WDFY3: variants seen among roughly 807,000 people sequenced by gnomAD.
The protein encoded by WDFY3 is WD repeat and FYVE domain-containing protein 3.
WDFY3 carries 66 observed loss-of-function variants against 409.6 expected under a neutral mutation model. The observed-to-expected ratio is 0.16, with a 90% CI of 0.13 to 0.20. The LOEUF is 0.20. Ranked by LOEUF, WDFY3 falls within the 10% of genes least tolerant of loss-of-function variation. The pLI, the probability that WDFY3 is intolerant of heterozygous loss-of-function variation, is 1.00. For synonymous variants in WDFY3, 1,521 were observed against 1,537.1 expected, an observed-to-expected ratio of 0.99 and a Z score of 0.25; for missense variants, 3,031 against 4,298.1, an observed-to-expected ratio of 0.71 and a Z score of 8.24.
intron 13 of WDFY3, among the ~76,000 whole-genome samples, chr4:84,817,088 T>G (rs1753410405): frequency 6.6e-6 from 1 of 152,152 alleles, no homozygotes; most frequent in Admixed American, 6.6e-5. Context: ...ATGAGTGAAT[T>G]TAACTGATCA....
chr4:84,738,981 T>G (rs955195347), intron 40 of WDFY3, 29 bp downstream of exon 40: 6 of 1,610,238 alleles, frequency 3.7e-6, no homozygotes, highest in Non-Finnish European at 5.1e-6. Flanking sequence ...CAACCACAAT[T>G]TAAAAACATC....
At chr4:84,804,357 C>T (rs1751161631) in intron 15 of WDFY3, among the ~76,000 whole-genome samples, 1 of 152,180 alleles carries the variant, frequency 6.6e-6, no homozygotes, top group Non-Finnish European at 1.5e-5. Flanking sequence ...GCAGTTTTAG[C>T]TCTCTGGGAC....
At chr4:84,705,555 T>C (rs370435102) in intron 53 of WDFY3, 44 bp from the exon 54 acceptor site, 71 of 1,469,036 alleles carry the variant, frequency 4.8e-5, no homozygotes, top group Non-Finnish European at 6.4e-5. Flanking sequence ...CTATACACTA[T>C]CTAGCCTCAC....
chr4:84,728,346 T>C (rs766130166), intron 44 of WDFY3, among the ~76,000 whole-genome samples: 1 of 151,638 alleles, frequency 6.6e-6, no homozygotes, highest in Non-Finnish European at 1.5e-5. Context: ...CTGGGCAACA[T>C]AGCAAACCCC....
chr4:84,683,249 G>T (rs996000193), intron 63 of WDFY3, among the ~76,000 whole-genome samples: 1 of 152,298 alleles, frequency 6.6e-6, no homozygotes, highest in Non-Finnish European at 1.5e-5. Context: ...GTGAGGTACA[G>T]GGTGTGGTAT....
rs1385775085 is a variant in WDFY3 at position 84,787,606 on chromosome 4, G to A, written c.3777C>T (p.Ala1259=). 1 of 1,614,166 alleles carries A rather than the reference G, an allele frequency of 6.2e-7. No individual in the cohort carries two copies. The highest frequency in any genetic ancestry group is 1.1e-5 in the South Asian group (1 of 91,082). The change falls in exon 23 of 68, where the codon GCC becomes GCT. Residue 1259 remains alanine (A), a synonymous_variant. Coordinates refer to ENST00000295888, the MANE Select transcript of WDFY3 (RefSeq NM_014991.6). ...IGTPPAQRQI[A]SLVWRLGPTH... is the part of the protein sequence containing the mutation. ...TGGGTCCCAGGCGCCAAACCAATGA[G>A]GCAATTTGGCGTTGGGCAGGTGGAG... is the stretch of plus-strand genomic sequence containing the variant.
intron 2 of WDFY3, among the ~76,000 whole-genome samples, chr4:84,922,366 CAT>C (rs1769399977): frequency 6.6e-6 from 1 of 152,164 alleles, no homozygotes; most frequent in South Asian, 2.1e-4. Context: ...AGGCAATAAA[CAT>C]GTCACACTAC....
intron 27 of WDFY3, among the ~76,000 whole-genome samples, chr4:84,776,439 AT>A (rs1477857918): frequency 2.0e-5 from 3 of 152,092 alleles, no homozygotes; most frequent in Admixed American, 1.3e-4. Context: ...AGCAAAATTT[AT>A]TAAGCAACTA....
At chr4:84,939,064 C>G (rs1771785528) in intron 1 of WDFY3, among the ~76,000 whole-genome samples, 1 of 152,102 alleles carries the variant, frequency 6.6e-6, no homozygotes, top group Non-Finnish European at 1.5e-5. Flanking sequence ...GTATAAGATC[C>G]AGTCTAGGGT....
chr4:84,749,464 A>G (rs1036952847), intron 36 of WDFY3, among the ~76,000 whole-genome samples: 1 of 152,172 alleles, frequency 6.6e-6, no homozygotes, highest in Non-Finnish European at 1.5e-5. Context: ...TCAAAAATAC[A>G]CTAAGCCTTA....
intron 30 of WDFY3, among the ~76,000 whole-genome samples, chr4:84,767,490 G>C (rs1743868532): frequency 6.6e-6 from 1 of 152,122 alleles, no homozygotes; most frequent in Non-Finnish European, 1.5e-5. Flanking sequence ...ATTAAGTTCA[G>C]AGAGGAAGGC....
intron 53 of WDFY3, among the ~76,000 whole-genome samples, chr4:84,708,550 T>C (rs1233059086): frequency 1.3e-5 from 2 of 152,072 alleles, no homozygotes; most frequent in African/African-American, 4.8e-5. Context: ...TTTTTTTTCT[T>C]TGTGGAGACA....
chr4:84,803,256 A>G, intron 16 of WDFY3, 34 bp downstream of exon 16: 1 of 1,556,260 alleles, frequency 6.4e-7, no homozygotes. Context: ...TCATTTCATT[A>G]CAGACGGGAA....
chr4:84,832,475 G>T (rs1755882084), intron 7 of WDFY3, among the ~76,000 whole-genome samples: 1 of 152,056 alleles, frequency 6.6e-6, no homozygotes, highest in Non-Finnish European at 1.5e-5. Context: ...ATAGGTAGAA[G>T]AATGAATTTT....
At chr4:84,880,175 G>GC (rs1340435553) in intron 3 of WDFY3, among the ~76,000 whole-genome samples, 5 of 152,136 alleles carry the variant, frequency 3.3e-5, no homozygotes, top group Admixed American at 3.3e-4. Flanking sequence ...CATCAGCCAG[G>GC]AATGAGGGTA....
intron 2 of WDFY3, among the ~76,000 whole-genome samples, chr4:84,922,872 A>G (rs1769470778): frequency 6.6e-6 from 1 of 152,160 alleles, no homozygotes. Context: ...AGCGGGAGCC[A>G]CCACACCCAG....
chr4:84,953,482 C>T (rs1259756153), intron 1 of WDFY3, among the ~76,000 whole-genome samples: 1 of 152,016 alleles, frequency 6.6e-6, no homozygotes, highest in Non-Finnish European at 1.5e-5. Context: ...TCATTTGTTT[C>T]ACCATTGTAA....
At chr4:84,765,220 A>C (rs1007466188) in intron 32 of WDFY3, among the ~76,000 whole-genome samples, 6 of 152,186 alleles carry the variant, frequency 3.9e-5, no homozygotes, top group African/African-American at 1.4e-4. Flanking sequence ...AGTTCAAATA[A>C]ATCTAGCATA....
At chr4:84,702,861 C>A (rs111929291) in intron 55 of WDFY3, among the ~76,000 whole-genome samples, 2,935 of 152,274 alleles carry the variant, frequency 0.019, 105 homozygotes, top group African/African-American at 0.067. Flanking sequence ...CTTTCGGAGG[C>A]CGAGGCGGGC....
Sources: gnomAD v4.1 joint callset for allele counts (sites outside exome capture counted in the v4.1 genomes callset) on GRCh38, gnomAD v4.1.1 for gene constraint, MANE v1.5 for transcripts, NCBI Gene and HGNC (gene_info 2026-07-23, HGNC 2026-07-21) for gene names.